The following ZFHX3 variants were observed in gnomAD, a reference collection of about 807,000 sequenced individuals.
ZFHX3 encodes zinc finger homeobox 3, also known as zinc finger homeobox protein 3.
A neutral mutation model predicts 279.1 loss-of-function variants in ZFHX3; 42 were observed. The ratio of observed to expected loss-of-function variants is 0.15; its 90% CI spans 0.12 to 0.19. ZFHX3 has a LOEUF of 0.19. Ranked by LOEUF, ZFHX3 falls within the 10% of genes least tolerant of loss-of-function variation. ZFHX3 has a pLI of 1.00. For synonymous variants in ZFHX3, 2,293 were observed against 1,957.8 expected (o/e 1.17, Z -4.52); for missense variants, 4,981 against 4,754.0 (o/e 1.05, Z -1.40).
chr16:73,008,653 C>G (rs1963802537), intron 1 of ZFHX3, among the ~76,000 whole-genome samples: 1 of 152,130 alleles, frequency 6.6e-6, no homozygotes, highest in African/African-American at 2.4e-5. Flanking sequence ...TGGGCATATG[C>G]TGCTTGCTTA....
intron 4 of ZFHX3, among the ~76,000 whole-genome samples, chr16:73,275,581 A>G (rs111920077): frequency 1.0e-3 from 159 of 152,356 alleles, no homozygotes; most frequent in Admixed American, 2.4e-3. Flanking sequence ...GACTGCCTCA[A>G]TAAAGTGAGT....
chr16:73,245,687 C>G (rs1203544503), intron 5 of ZFHX3, among the ~76,000 whole-genome samples: 3 of 152,176 alleles, frequency 2.0e-5, no homozygotes, highest in Admixed American at 1.3e-4. Context: ...CCAGAGCTGG[C>G]CCCTACCTGG....
intron 7 of ZFHX3, among the ~76,000 whole-genome samples, chr16:72,810,874 AT>A (rs893439497): frequency 3.3e-5 from 5 of 151,466 alleles, no homozygotes; most frequent in African/African-American, 7.3e-5. Flanking sequence ...TGTCAAAAAA[AT>A]TTTTTTTTCT....
chr16:72,964,532 A>C (rs968316432), intron 1 of ZFHX3, among the ~76,000 whole-genome samples: 1 of 151,984 alleles, frequency 6.6e-6, no homozygotes, highest in South Asian at 2.1e-4. Flanking sequence ...ATGTGCCTTT[A>C]TTTCCCAAAG....
At chr16:73,573,878 A>T (rs1011935267) in intron 2 of ZFHX3, among the ~76,000 whole-genome samples, 3 of 152,106 alleles carry the variant, frequency 2.0e-5, no homozygotes, top group African/African-American at 7.2e-5. Context: ...GTATAGCTTT[A>T]TATCTCCATT....
intron 5 of ZFHX3, among the ~76,000 whole-genome samples, chr16:73,182,754 A>G (rs1356659514): frequency 6.6e-6 from 1 of 152,234 alleles, no homozygotes; most frequent in Non-Finnish European, 1.5e-5. Flanking sequence ...ATAGAACTAG[A>G]GGCCATTATC....
intron 5 of ZFHX3, among the ~76,000 whole-genome samples, chr16:73,221,552 C>T (rs949996476): frequency 4.6e-5 from 7 of 152,096 alleles, no homozygotes; most frequent in African/African-American, 1.7e-4. Flanking sequence ...CAGAAATCAC[C>T]GCTAAAGAAC....
intron 7 of ZFHX3, among the ~76,000 whole-genome samples, chr16:73,105,899 G>T (rs1000213477): frequency 6.7e-6 from 1 of 150,140 alleles, no homozygotes; most frequent in South Asian, 2.1e-4. Context: ...TTTCACCCCC[G>T]CATCTCTCCC....
chr16:72,957,944 G>A lies in ZFHX3; in HGVS notation c.2202C>T (p.Ser734=), dbSNP rs780113574. 6 of 1,614,182 alleles carry A rather than the reference G, an allele frequency of 3.7e-6. No individual in the cohort carries two copies. Among genetic ancestry groups the A allele is most frequent in the Non-Finnish European group, 5.1e-6 (6 of 1,180,042 alleles). ...KPFRCEVCNY[S]TTTKGNLSIH... ...TACTGAGGTTGCCTTTGGTAGTTGT[G>A]GAGTAGTTACACACCTCGCAGCGGA... Residue 734 remains serine, a synonymous_variant, in exon 2 of 10, where the codon TCC becomes TCT. Transcript: ENST00000268489.
At chr16:73,212,085 T>G (rs978147186) in intron 5 of ZFHX3, among the ~76,000 whole-genome samples, 3 of 152,072 alleles carry the variant, frequency 2.0e-5, no homozygotes, top group Non-Finnish European at 4.4e-5. Context: ...GTGACTTCTC[T>G]CTCTCTCTTT....
intron 5 of ZFHX3, among the ~76,000 whole-genome samples, chr16:73,200,405 T>C (rs1968244832): frequency 6.6e-6 from 1 of 152,206 alleles, no homozygotes; most frequent in Non-Finnish European, 1.5e-5. Context: ...ATGTGATTTA[T>C]ACATTTGAAG....
intron 1 of ZFHX3, among the ~76,000 whole-genome samples, chr16:73,865,844 G>C (rs928231830): frequency 2.4e-4 from 36 of 152,080 alleles, no homozygotes; most frequent in African/African-American, 8.4e-4. Flanking sequence ...AAATAGCCGG[G>C]TGTGGTGGCA....
chr16:72,868,343 A>G (rs1045849967), intron 4 of ZFHX3, among the ~76,000 whole-genome samples: 1 of 152,118 alleles, frequency 6.6e-6, no homozygotes, highest in African/African-American at 2.4e-5. Flanking sequence ...CCAAGCTCAC[A>G]TCCTCAGATC....
intron 7 of ZFHX3, among the ~76,000 whole-genome samples, chr16:73,098,071 A>ATT (rs35816942): frequency 0.34 from 48,928 of 142,980 alleles, 8,999 homozygotes; most frequent in African/African-American, 0.41. Context: ...TTGTGTATCT[A>ATT]TTTTTTTTTT....
intron 3 of ZFHX3, among the ~76,000 whole-genome samples, chr16:72,920,670 C>CA (rs35411040): frequency 3.5e-4 from 52 of 149,286 alleles, no homozygotes; most frequent in South Asian, 1.3e-3. Flanking sequence ...AAGTTCGTCT[C>CA]AAAAAAAAAA....
At chr16:72,950,385 T>C (rs1291116086) in intron 3 of ZFHX3, 84 bp downstream of exon 3, 5 of 1,552,354 alleles carry the variant, frequency 3.2e-6, no homozygotes, top group Non-Finnish European at 2.6e-6. Context: ...ACTGTCCGAC[T>C]CCTCCCCAGT....
At chr16:73,555,356 G>A (rs1032133855) in intron 2 of ZFHX3, among the ~76,000 whole-genome samples, 3 of 152,052 alleles carry the variant, frequency 2.0e-5, no homozygotes, top group East Asian at 4.0e-4. Flanking sequence ...GGGTTTCACA[G>A]TGTCAGCCAG....
At chr16:73,084,523 T>TC (rs1965986747) in intron 8 of ZFHX3, among the ~76,000 whole-genome samples, 1 of 144,116 alleles carries the variant, frequency 6.9e-6, no homozygotes, top group African/African-American at 2.6e-5. Context: ...AATTTTTTTT[T>TC]TTTTTTTTTT....
intron 4 of ZFHX3, among the ~76,000 whole-genome samples, chr16:72,861,541 A>G (rs1473462616): frequency 6.6e-6 from 1 of 152,220 alleles, no homozygotes; most frequent in African/African-American, 2.4e-5. Context: ...CCAGAGCAAG[A>G]GAACACCCTA....
Sources: allele counts gnomAD v4.1 joint callset (sites outside exome capture counted in the v4.1 genomes callset), GRCh38; gene constraint gnomAD v4.1.1; transcripts MANE v1.5; gene names NCBI Gene and HGNC (gene_info 2026-07-23, HGNC 2026-07-21).